CDK16: variants seen among roughly 807,000 people sequenced by gnomAD.
CDK16 encodes the protein cyclin-dependent kinase 16.
In CDK16, 2 loss-of-function variants were observed where a neutral mutation model predicts 41.6. The observed-to-expected ratio is 0.05, with a 90% CI of 0.02 to 0.15. CDK16 has a LOEUF of 0.15. CDK16 is among the 10% of genes least tolerant of loss of function. The pLI is 1.00. For synonymous variants in CDK16, 169 were observed against 169.7 expected, an observed-to-expected ratio of 1.00 and a Z score of 0.03; for missense variants, 228 against 428.9, an observed-to-expected ratio of 0.53 and a Z score of 4.14.
chrX:47,229,076 C>G lies in CDK16; in HGVS notation c.*308C>G. 7 of 394,822 alleles carry G rather than the reference C, an allele frequency of 1.8e-5. No individual in the cohort carries two copies. The South Asian group carries it at 2.3e-4, about 13-fold the overall frequency. The allele number at this position is 394,822 out of a possible 1,213,427, so 32.5% of individuals were successfully genotyped here. A position where few individuals can be genotyped will look rare whatever the true frequency, so the allele number is the denominator to read the frequency against. Reference sequence around the variant, plus strand: ...CCCACACTGAGGCCAGGTCTACCCCCCATCATACCAGCCCCCAGGACCACT... The same window carrying G: ...CCCACACTGAGGCCAGGTCTACCCCGCATCATACCAGCCCCCAGGACCACT... On this transcript the variant is annotated 3_prime_UTR_variant, in exon 16 of 16. Coordinates refer to ENST00000357227, the MANE Select transcript of CDK16 (RefSeq NM_006201.5).
chrX:47,218,407 C>G, upstream of CDK16: 1 of 400,730 alleles, frequency 2.5e-6, no homozygotes, highest in South Asian at 4.7e-5. Context: ...TTCCTCCTTG[C>G]AAAAGTCCCG....
At chrX:47,221,603 C>G (rs1276344252) in intron 1 of CDK16, among the ~76,000 whole-genome samples, 1 of 111,618 alleles carries the variant, frequency 9.0e-6, no homozygotes, top group Non-Finnish European at 1.9e-5. Flanking sequence ...CCCCTACTCC[C>G]TGTCACAACA....
At chrX:47,221,719 T>A (rs1027256696) in intron 1 of CDK16, among the ~76,000 whole-genome samples, 3 of 112,200 alleles carry the variant, frequency 2.7e-5, no homozygotes, top group African/African-American at 9.7e-5. Context: ...GCCTCCCAGG[T>A]CAGGATGTTT....
intron 1 of CDK16, among the ~76,000 whole-genome samples, chrX:47,219,760 T>C (rs1937254742): frequency 9.1e-6 from 1 of 110,139 alleles, no homozygotes; most frequent in East Asian, 2.8e-4. Flanking sequence ...GGAGGGCAGG[T>C]AGCTGAAGGA....
intron 1 of CDK16, among the ~76,000 whole-genome samples, chrX:47,221,838 C>T (rs181159376): frequency 1.1e-3 from 124 of 111,609 alleles, no homozygotes; most frequent in Non-Finnish European, 2.3e-4. Flanking sequence ...CAGGTGGGGG[C>T]GAGAACTGCT....
chrX:47,226,223 G>A lies in CDK16; in HGVS notation c.793-56G>A, dbSNP rs757203519. 2.7e-5 allele frequency: 33 copies of A among 1,202,336 alleles called. No homozygotes were observed. The Admixed American group carries it at 5.0e-4, about 18-fold the overall frequency. On this transcript the variant is annotated intron_variant, in intron 8 of 15. Transcript: ENST00000357227. Reference sequence around the variant, plus strand: ...GTTTGGGAGGGGAGCAGTGCCTGCTGGGGGTCGGGCTAGTGGATAGTCTTT... The same window carrying A: ...GTTTGGGAGGGGAGCAGTGCCTGCTAGGGGTCGGGCTAGTGGATAGTCTTT...
At position 47,227,441 on chromosome X, in the gene CDK16, G is replaced by C. The variant is rs372315805; in HGVS notation, c.1347G>C (p.Leu449=). The C allele has an allele frequency of 1.2e-5, 14 of 1,206,620 alleles. No individual in the cohort carries two copies. Among genetic ancestry groups the C allele is most frequent in the South Asian group, 1.8e-5 (1 of 56,545 alleles). The change falls in exon 14 of 16, where the codon CTG becomes CTC. Residue 449 remains leucine (L), a synonymous_variant. Coordinates refer to ENST00000357227, the MANE Select transcript of CDK16 (RefSeq NM_006201.5). ...TGAAACATCCATTCTTCCTCAGTCT[G>C]GGGGAGCGGATCCACAAACTTCCTG... ...DAMKHPFFLS[L]GERIHKLPDT...
intron 7 of CDK16, 25 bp from the exon 8 acceptor site, chrX:47,225,940 C>T: frequency 8.3e-7 from 1 of 1,202,498 alleles, no homozygotes; most frequent in Non-Finnish European, 1.1e-6. Flanking sequence ...AACCCTCATT[C>T]CTGTACCACC....
Position 47,218,859 on chromosome X carries a change from C to T in CDK16, c.-253C>T. Reference sequence around the variant, plus strand: ...GCGCCAACGAGTCCGGGGGCATCGCCCGCAGCGGCCAAGCTCATGGCCGGC... The same window carrying T: ...GCGCCAACGAGTCCGGGGGCATCGCTCGCAGCGGCCAAGCTCATGGCCGGC... On this transcript the variant is annotated 5_prime_UTR_variant, in exon 1 of 16. Transcript: ENST00000357227. 1 of 1,119,768 alleles carries T rather than the reference C, an allele frequency of 8.9e-7. No homozygotes were observed. Among genetic ancestry groups the T allele is most frequent in the Non-Finnish European group, 1.2e-6 (1 of 854,795 alleles). The allele number at this position is 1,119,768 out of a possible 1,213,427, so 92.3% of individuals were successfully genotyped here. A position where few individuals can be genotyped will look rare whatever the true frequency, so the allele number is the denominator to read the frequency against.
In CDK16 at chrX:47,229,594, C is replaced by T. The variant is rs749846042; in HGVS notation, c.*826C>T. 4.3e-4 allele frequency: 98 copies of T among 227,099 alleles called. 1 individual carries two copies. The highest frequency in any genetic ancestry group is 6.6e-4 in the Non-Finnish European group (80 of 121,315). 18.7% of individuals were successfully genotyped at this position (227,099 alleles called of 1,213,427 possible). Reference sequence around the variant, plus strand: ...GGGGGGCCCCACTCTTTCTCTCCTGCAGTCCCGTAGCTGGGGCCTCCTTCC... The same window carrying T: ...GGGGGGCCCCACTCTTTCTCTCCTGTAGTCCCGTAGCTGGGGCCTCCTTCC... On this transcript the variant is annotated 3_prime_UTR_variant, in exon 16 of 16. Coordinates refer to ENST00000357227, the MANE Select transcript of CDK16 (RefSeq NM_006201.5).
rs1188956690 is a variant in CDK16, at chrX:47,227,013, G to C, written c.1155G>C (p.Thr385=). 1 of 1,209,417 alleles carries C rather than the reference G, an allele frequency of 8.3e-7. No individual in the cohort carries two copies. Among genetic ancestry groups the C allele is most frequent in the African/African-American group, 1.7e-5 (1 of 57,254 alleles). The change falls in exon 12 of 16, where the codon ACG becomes ACC. Residue 385 remains threonine, a synonymous_variant. Coordinates refer to ENST00000357227, the MANE Select transcript of CDK16 (RefSeq NM_006201.5). The part of the protein sequence containing the change: ...FRILGTPTEE[T]WPGILSNEEF... ...TACTAGGAACCCCAACTGAGGAGAC[G>C]TGGCCAGGCATCCTGTCCAACGAGG... is the stretch of plus-strand genomic sequence containing the variant.
In CDK16 at chrX:47,227,059, C is replaced by T. The variant is rs925401247; in HGVS notation, c.1201C>T (p.Pro401Ser). Residue 401 changes from proline to serine, a missense_variant, in exon 12 of 16, where the codon CCC becomes TCC. Around this residue, in one of 3 missense-constraint regions of CDK16, gnomAD observed 91 missense variants for 129.5 expected, o/e 0.70. Coordinates refer to ENST00000357227, the MANE Select transcript of CDK16 (RefSeq NM_006201.5). ...CGAGGAGTTCAAGACATACAACTAC[C>T]CCAAGTACCGAGCCGAGGCCCTTTT... The part of the protein sequence containing the change: ...SNEEFKTYNY[P>S]KYRAEALLSH... 5.0e-6 allele frequency: 6 copies of T among 1,210,333 alleles called. No homozygotes were observed. In the African/African-American group the frequency reaches 1.0e-4, roughly 21 times the overall value.
Position 47,229,072 on chromosome X carries a change from C to A in CDK16, c.*304C>A, listed in dbSNP as rs546946997. 2.5e-6 allele frequency: 1 copy of A among 399,850 alleles called. No homozygotes were observed. Among genetic ancestry groups the A allele is most frequent in the South Asian group, 3.2e-5 (1 of 30,993 alleles). The allele number at this position is 399,850 out of a possible 1,213,427, so 33.0% of individuals were successfully genotyped here. ...GCCTCCCACACTGAGGCCAGGTCTA[C>A]CCCCCATCATACCAGCCCCCAGGAC... On this transcript the variant is annotated 3_prime_UTR_variant, in exon 16 of 16. Coordinates refer to ENST00000357227, the MANE Select transcript of CDK16 (RefSeq NM_006201.5).
intron 1 of CDK16, among the ~76,000 whole-genome samples, chrX:47,221,834 G>A (rs1405170454): frequency 9.0e-6 from 1 of 111,694 alleles, no homozygotes; most frequent in Non-Finnish European, 1.9e-5. Context: ...CAGCCAGGTG[G>A]GGGCGAGAAC....
chrX:47,225,417 T>C (rs1449392640), intron 6 of CDK16, among the ~76,000 whole-genome samples: 1 of 112,207 alleles, frequency 8.9e-6, no homozygotes, highest in Non-Finnish European at 1.9e-5. Context: ...AAATTTAGTG[T>C]GCAAATTCGA....
In CDK16 at chrX:47,228,945, C is replaced by G. The variant is rs766941569; in HGVS notation, c.*177C>G. On this transcript the variant is annotated 3_prime_UTR_variant, in exon 16 of 16. Transcript: ENST00000357227. ...CCCACCATTGGCCTGTCAACCCACC[C>G]ATTGGCCTGTCTGCTGGGTGCTAAC... 1.9e-6 allele frequency: 1 copy of G among 522,021 alleles called. No individual in the cohort carries two copies. The highest frequency in any genetic ancestry group is 2.5e-5 in the South Asian group (1 of 39,757). The allele number at this position is 522,021 out of a possible 1,213,427, so 43.0% of individuals were successfully genotyped here.
intron 14 of CDK16, 56 bp from the exon 15 acceptor site, chrX:47,228,511 T>C: frequency 9.9e-7 from 1 of 1,009,243 alleles, no homozygotes; most frequent in East Asian, 3.0e-5. Context: ...CATATGGGGC[T>C]GGTCCTAGAT....
chrX:47,223,086 TA>T (rs1423858506), intron 1 of CDK16: 1 of 1,154,836 alleles, frequency 8.7e-7, no homozygotes, highest in South Asian at 1.9e-5. Flanking sequence ...AGGGTGGTGC[TA>T]GGGGAACTAT....
In CDK16 at chrX:47,228,642, CAGGT is replaced by C. The variant is rs773121222; in HGVS notation, c.1453+4_1453+7del. The C allele has an allele frequency of 7.5e-5, 91 of 1,208,268 alleles. No homozygotes were observed. Among genetic ancestry groups the C allele is most frequent in the Middle Eastern group, 2.3e-4 (1 of 4,367 alleles). The stretch of plus-strand genomic sequence containing the variant: ...CTTCGGTCTTCGTCGATGCCTGACT[CAGGT>C]AGGTATAGCCCCTTGTCTTCCTCCC... On this transcript the variant is annotated splice_donor_variant and coding_sequence_variant, in exon 15 of 16. Coordinates refer to ENST00000357227, the MANE Select transcript of CDK16 (RefSeq NM_006201.5). LOFTEE classifies it high-confidence loss of function.
Sources: allele counts gnomAD v4.1 joint callset (sites outside exome capture counted in the v4.1 genomes callset), GRCh38; gene constraint gnomAD v4.1.1; regional missense constraint gnomAD v4.1.1; transcripts MANE v1.5; gene names NCBI Gene and HGNC (gene_info 2026-07-23, HGNC 2026-07-21).